XRCC4: variants seen among roughly 807,000 people sequenced by gnomAD.
The protein encoded by XRCC4 is DNA repair protein XRCC4.
Under a neutral mutation model 39.1 loss-of-function variants are expected in XRCC4, and 28 were observed. That is an observed-to-expected ratio of 0.72 (90% CI 0.53 to 0.98). The LOEUF (loss-of-function observed/expected upper bound fraction) is 0.98. Ranked by LOEUF, XRCC4 falls within the 50% of genes least tolerant of loss-of-function variation. The pLI is 0.00. For synonymous variants in XRCC4, 123 were observed against 126.4 expected (o/e 0.97, Z 0.18); for missense variants, 350 against 376.4 (o/e 0.93, Z 0.58).
At chr5:83,282,734 C>G (rs538251511) in intron 7 of XRCC4, among the ~76,000 whole-genome samples, 1 of 151,778 alleles carries the variant, frequency 6.6e-6, no homozygotes, top group African/African-American at 2.4e-5. Flanking sequence ...CCCAACTACT[C>G]GGGAGGCTGA....
At chr5:83,312,956 A>G (rs1717056302) in intron 7 of XRCC4, among the ~76,000 whole-genome samples, 1 of 152,198 alleles carries the variant, frequency 6.6e-6, no homozygotes, top group African/African-American at 2.4e-5. Context: ...GAACACTTGC[A>G]AAATTCATTT....
At chr5:83,349,762 A>T (rs1213415200) in intron 7 of XRCC4, among the ~76,000 whole-genome samples, 1 of 152,162 alleles carries the variant, frequency 6.6e-6, no homozygotes, top group Non-Finnish European at 1.5e-5. Context: ...CTTTTTAAAT[A>T]TGATTTCAGC....
chr5:83,286,241 T>C (rs1754728519), intron 7 of XRCC4, among the ~76,000 whole-genome samples: 1 of 152,110 alleles, frequency 6.6e-6, no homozygotes. Flanking sequence ...CTTCTCTAAC[T>C]TTTCTGGCTC....
intron 1 of XRCC4, among the ~76,000 whole-genome samples, chr5:83,086,990 A>G (rs1745211355): frequency 6.6e-6 from 1 of 152,170 alleles, no homozygotes; most frequent in Non-Finnish European, 1.5e-5. Flanking sequence ...TCTCTGTTTT[A>G]TATAACCTCT....
chr5:83,094,871 A>T (rs145176457), intron 1 of XRCC4, among the ~76,000 whole-genome samples: 81 of 138,124 alleles, frequency 5.9e-4, no homozygotes, highest in Non-Finnish European at 1.1e-3. Context: ...TTTAATAAGG[A>T]TTATTCTGAA....
At chr5:83,310,230 G>A (rs1340988152) in intron 7 of XRCC4, among the ~76,000 whole-genome samples, 1 of 152,170 alleles carries the variant, frequency 6.6e-6, no homozygotes, top group East Asian at 1.9e-4. Context: ...GCATTAATGG[G>A]AGAGGACTGA....
chr5:83,099,133 C>G (rs1198963945), intron 1 of XRCC4, among the ~76,000 whole-genome samples: 1 of 152,110 alleles, frequency 6.6e-6, no homozygotes, highest in Non-Finnish European at 1.5e-5. Context: ...ATGCTGTGTG[C>G]TAATCTTTAT....
intron 3 of XRCC4, among the ~76,000 whole-genome samples, chr5:83,122,814 G>A (rs1747073264): frequency 6.6e-6 from 1 of 151,960 alleles, no homozygotes; most frequent in Non-Finnish European, 1.5e-5. Context: ...TTAGTAGTTT[G>A]TAATTTTGTT....
chr5:83,249,721 T>TAGTC (rs10656283), intron 6 of XRCC4, among the ~76,000 whole-genome samples: 1 of 151,440 alleles, frequency 6.6e-6, no homozygotes, highest in Admixed American at 6.6e-5. Flanking sequence ...ATTCACCAGA[T>TAGTC]AATCATGCCA....
chr5:83,139,290 T>C lies in XRCC4; in HGVS notation c.315+28087T>C, dbSNP rs889714622. Among the ~76,000 whole-genome samples the C allele has an allele frequency of 2.0e-5, 3 of 152,302 alleles. No homozygotes were observed. In the Middle Eastern group the frequency reaches 0.01, roughly 518 times the overall value. ...TTTTTCCTCAAGATTAGATTGAGTTTATACATTTTTGACAAGAATACCATA... is the reference window on the plus strand; with the variant it reads ...TTTTTCCTCAAGATTAGATTGAGTTCATACATTTTTGACAAGAATACCATA... On this transcript the variant is annotated intron_variant, in intron 3 of 7. Transcript: ENST00000396027.
intron 6 of XRCC4, among the ~76,000 whole-genome samples, chr5:83,211,780 A>G (rs1751656368): frequency 6.6e-6 from 1 of 152,236 alleles, no homozygotes. Flanking sequence ...AACTGTGCAG[A>G]AACATCAATT....
At chr5:83,263,256 T>C (rs1485900010) in intron 7 of XRCC4, among the ~76,000 whole-genome samples, 1 of 151,940 alleles carries the variant, frequency 6.6e-6, no homozygotes, top group Non-Finnish European at 1.5e-5. Context: ...GTTGGACATT[T>C]GGGTTGGTTC....
At chr5:83,178,090 A>G (rs1264910301) in intron 3 of XRCC4, among the ~76,000 whole-genome samples, 7 of 152,108 alleles carry the variant, frequency 4.6e-5, no homozygotes, top group Non-Finnish European at 1.0e-4. Context: ...GAGGGAGATA[A>G]GAAGGAAAAG....
chr5:83,209,285 AGT>A (rs1483890291), intron 6 of XRCC4, among the ~76,000 whole-genome samples: 2 of 152,128 alleles, frequency 1.3e-5, no homozygotes, highest in Non-Finnish European at 2.9e-5. Context: ...CAAAATATGT[AGT>A]GATAGAAGCA....
At chr5:83,343,093 T>G (rs1756812519) in intron 7 of XRCC4, among the ~76,000 whole-genome samples, 1 of 151,656 alleles carries the variant, frequency 6.6e-6, no homozygotes, top group Admixed American at 6.6e-5. Context: ...AACCAAATGA[T>G]GTGTGCCCCA....
At chr5:83,140,886 T>C (rs1748137957) in intron 3 of XRCC4, among the ~76,000 whole-genome samples, 1 of 152,310 alleles carries the variant, frequency 6.6e-6, no homozygotes, top group African/African-American at 2.4e-5. Context: ...GATGTGCCAC[T>C]GCACTCTTAC....
intron 1 of XRCC4, among the ~76,000 whole-genome samples, chr5:83,083,375 AT>A (rs576959639): frequency 0.01 from 1,319 of 126,846 alleles, 10 homozygotes; most frequent in African/African-American, 0.03. Context: ...TGAATCTGTA[AT>A]TTTTTTTTTT....
chr5:83,084,523 T>G (rs1745096851), intron 1 of XRCC4, among the ~76,000 whole-genome samples: 1 of 152,206 alleles, frequency 6.6e-6, no homozygotes, highest in African/African-American at 2.4e-5. Flanking sequence ...AATTCCAAAC[T>G]GTTCATGAGG....
chr5:83,103,228 T>A (rs1318474273), intron 1 of XRCC4, among the ~76,000 whole-genome samples: 1 of 151,730 alleles, frequency 6.6e-6, no homozygotes, highest in Non-Finnish European at 1.5e-5. Flanking sequence ...TTTTTAGAAT[T>A]TTTATATTAT....
Sources: allele counts gnomAD v4.1 joint callset (sites outside exome capture counted in the v4.1 genomes callset), GRCh38; gene constraint gnomAD v4.1.1; transcripts MANE v1.5; gene names NCBI Gene and HGNC (gene_info 2026-07-23, HGNC 2026-07-21).